Variants in ABCG1 observed in about 807,000 individuals in gnomAD.
The protein encoded by ABCG1 is ATP-binding cassette sub-family G member 1.
In ABCG1, 29 loss-of-function variants were observed where a neutral mutation model predicts 69.2. The ratio of observed to expected loss-of-function variants is 0.42; its 90% CI spans 0.31 to 0.57. The LOEUF is 0.57. ABCG1 is among the 20% of genes least tolerant of loss of function. The probability of loss-of-function intolerance (pLI) is 0.15; values close to 1 mark genes in which losing one functional copy is unlikely to be tolerated. For missense variants in ABCG1, 718 were observed against 898.1 expected (o/e 0.80, Z 2.56); for synonymous variants, 370 against 374.8 (o/e 0.99, Z 0.15).
chr21:42,233,631 C>A (rs2067933027), intron 2 of ABCG1, among the ~76,000 whole-genome samples: 1 of 152,222 alleles, frequency 6.6e-6, no homozygotes, highest in African/African-American at 2.4e-5. Context: ...CAGCCAAGTA[C>A]AGAACAATAA....
intron 2 of ABCG1, among the ~76,000 whole-genome samples, chr21:42,227,814 T>C (rs1331863740): frequency 1.3e-5 from 2 of 152,042 alleles, no homozygotes; most frequent in African/African-American, 4.8e-5. Context: ...GCAAGGCATG[T>C]CTTACATGGT....
At position 42,225,846 on chromosome 21, in the gene ABCG1, C is replaced by T; in HGVS notation, c.218C>T (p.Ala73Val). ...AQRFSSLPRR[A>V]AVNIEFRDLS... ...CGCTTCTCCTCCTTGCCTCGGAGGGCAGCTGTGAACATTGAATTCAGGGAC... is the reference window on the plus strand; with the variant it reads ...CGCTTCTCCTCCTTGCCTCGGAGGGTAGCTGTGAACATTGAATTCAGGGAC... Residue 73 changes from alanine (A) to valine (V), a missense_variant, in exon 2 of 15, where the codon GCA (alanine) becomes GTA (valine). Ala to Val is a moderately conservative substitution (Grantham distance 64). This residue lies in a region of ABCG1 where 514 missense variants were observed against 574.3 expected (regional missense o/e 0.90). Transcript: ENST00000398449. 3 of 1,613,968 alleles carry T rather than the reference C, an allele frequency of 1.9e-6. No individual in the cohort carries two copies. Among genetic ancestry groups the T allele is most frequent in the Non-Finnish European group, 2.5e-6 (3 of 1,179,980 alleles).
chr21:42,216,870 G>A (rs1370202128), upstream of ABCG1, among the ~76,000 whole-genome samples: 2 of 152,210 alleles, frequency 1.3e-5, no homozygotes, highest in African/African-American at 2.4e-5. Context: ...ATGCTTACTC[G>A]GTGCTGGGCA....
Position 42,219,405 on chromosome 21 carries a change from A to G in ABCG1, c.42+101A>G. ...AGCTCGACCTGACACCCCTCCCAGG[A>G]GCGCGTCCTCTGGGCGCTGACCCAG... On this transcript the variant is annotated intron_variant, in intron 1 of 14. Coordinates refer to ENST00000398449, the MANE Select transcript of ABCG1 (RefSeq NM_016818.3). This position sits in a 1 kb window ranked among gnomAD's most constrained non-coding sequence, Gnocchi z 5.3. 1.4e-6 allele frequency: 2 copies of G among 1,479,810 alleles called. No individual in the cohort carries two copies. Among genetic ancestry groups the G allele is most frequent in the Non-Finnish European group, 1.8e-6 (2 of 1,109,180 alleles). 91.7% of individuals were successfully genotyped at this position (1,479,810 alleles called of 1,614,324 possible). A position where few individuals can be genotyped will look rare whatever the true frequency, so the allele number is the denominator to read the frequency against.
upstream of ABCG1, among the ~76,000 whole-genome samples, chr21:42,213,919 A>G (rs1293259479): frequency 6.6e-6 from 1 of 152,150 alleles, no homozygotes; most frequent in Non-Finnish European, 1.5e-5. Flanking sequence ...GAGGACATTT[A>G]CCTTGAGTCC....
intron 2 of ABCG1, among the ~76,000 whole-genome samples, chr21:42,263,703 G>A (rs1601410734): frequency 6.6e-6 from 1 of 152,176 alleles, no homozygotes; most frequent in African/African-American, 2.4e-5. Flanking sequence ...GACAGACGGA[G>A]CCAGCAACCC....
At chr21:42,285,859 T>TA (rs2068930113) in intron 7 of ABCG1, 21 bp from the exon 8 acceptor site, 1 of 1,575,264 alleles carries the variant, frequency 6.3e-7, no homozygotes, top group Admixed American at 1.7e-5. Flanking sequence ...TTGATCCCTT[T>TA]TTCTCCTTCC....
In ABCG1 at chr21:42,291,561, G is replaced by T; in HGVS notation, c.1558G>T (p.Val520Leu). 6.2e-7 allele frequency: 1 copy of T among 1,613,406 alleles called. No individual in the cohort carries two copies. Among genetic ancestry groups the T allele is most frequent in the Middle Eastern group, 1.7e-4 (1 of 6,058 alleles). The change falls in exon 13 of 15, where the codon GTG (valine) becomes TTG (leucine). Residue 520 changes from valine (V) to leucine (L), a missense_variant. Coordinates refer to ENST00000398449, the MANE Select transcript of ABCG1 (RefSeq NM_016818.3). The surrounding 1 kb of genome is among the most constrained non-coding windows in gnomAD (Gnocchi z 6.4). ...YWMTSQPSDAVRFVLFAALGT... is the reference protein window; with the variant it reads ...YWMTSQPSDALRFVLFAALGT... The stretch of plus-strand genomic sequence containing the variant: ...GATGACGTCGCAGCCGTCCGACGCC[G>T]TGCGCTTTGTGCTGTTTGCCGCGCT...
At chr21:42,289,654 C>G (rs193166714) in intron 10 of ABCG1, among the ~76,000 whole-genome samples, 5 of 152,144 alleles carry the variant, frequency 3.3e-5, no homozygotes, top group Admixed American at 6.5e-5. Context: ...AGGGGCTCAC[C>G]GCCGTCCACA....
chr21:42,219,937 C>A lies in ABCG1; in HGVS notation c.42+633C>A, dbSNP rs998571055. 1.5e-5 allele frequency: 23 copies of A among 1,550,942 alleles called. No homozygotes were observed. In the African/African-American group the frequency reaches 2.7e-4, roughly 18 times the overall value. The stretch of plus-strand genomic sequence containing the variant: ...CGGATTCCTGCCGGCCGCCTTTCTG[C>A]GCGCGCCGGAGAGAGAGACGCGGTG... On this transcript the variant is annotated intron_variant, in intron 1 of 14. Coordinates refer to ENST00000398449, the MANE Select transcript of ABCG1 (RefSeq NM_016818.3). The surrounding 1 kb of genome is among the most constrained non-coding windows in gnomAD (Gnocchi z 5.3).
intron 2 of ABCG1, among the ~76,000 whole-genome samples, chr21:42,253,328 G>A (rs2068252864): frequency 6.6e-6 from 1 of 152,206 alleles, no homozygotes; most frequent in African/African-American, 2.4e-5. Flanking sequence ...ACCGCTGTGG[G>A]GGAAGGATCA....
intron 2 of ABCG1, among the ~76,000 whole-genome samples, chr21:42,250,527 C>A (rs541052536): frequency 6.6e-6 from 1 of 152,318 alleles, no homozygotes; most frequent in Admixed American, 6.5e-5. Context: ...TGGAAGAGAG[C>A]CCTGAAAACA....
intron 2 of ABCG1, among the ~76,000 whole-genome samples, chr21:42,205,170 G>C (rs916159871): frequency 1.3e-5 from 2 of 152,188 alleles, no homozygotes; most frequent in African/African-American, 4.8e-5. Flanking sequence ...TGATTGCAGA[G>C]TTGTTTGTAG....
At position 42,219,733 on chromosome 21, in the gene ABCG1, T is replaced by C. The variant is rs558891933; in HGVS notation, c.42+429T>C. The C allele has an allele frequency of 8.1e-7, 1 of 1,238,424 alleles. No homozygotes were observed. Among genetic ancestry groups the C allele is most frequent in the East Asian group, 2.9e-5 (1 of 34,920 alleles). The allele number at this position is 1,238,424 out of a possible 1,614,324, so 76.7% of individuals were successfully genotyped here. On this transcript the variant is annotated intron_variant, in intron 1 of 14. Coordinates refer to ENST00000398449, the MANE Select transcript of ABCG1 (RefSeq NM_016818.3). The surrounding 1 kb of genome is among the most constrained non-coding windows in gnomAD (Gnocchi z 5.3). ...GAGCCCCGCGCGCGCGGCTGTGGGC[T>C]TGGGGACCGGGGACTTCTCGCGCCA...
chr21:42,201,418 C>G (rs562503626), intron 1 of ABCG1, among the ~76,000 whole-genome samples: 2 of 152,176 alleles, frequency 1.3e-5, no homozygotes, highest in African/African-American at 4.8e-5. Flanking sequence ...AAAGCTCCCT[C>G]GCTTGCCGCT....
intron 2 of ABCG1, among the ~76,000 whole-genome samples, chr21:42,243,341 A>G (rs947920079): frequency 1.3e-5 from 2 of 152,176 alleles, no homozygotes; most frequent in Non-Finnish European, 2.9e-5. Flanking sequence ...GGAACAGGGC[A>G]GAAGTGCCTG....
chr21:42,261,724 G>A (rs748483623), intron 2 of ABCG1, among the ~76,000 whole-genome samples: 8 of 152,210 alleles, frequency 5.3e-5, no homozygotes, highest in African/African-American at 9.7e-5. Context: ...CTGCAACCTC[G>A]GCCGCGGAGC....
intron 2 of ABCG1, among the ~76,000 whole-genome samples, chr21:42,236,786 A>G (rs780274312): frequency 1.3e-5 from 2 of 152,258 alleles, no homozygotes; most frequent in South Asian, 4.1e-4. Flanking sequence ...GGAAGGGTAC[A>G]TCTATGATAA....
chr21:42,256,151 G>A, intron 2 of ABCG1: 1 of 1,393,094 alleles, frequency 7.2e-7, no homozygotes. Context: ...GTGAAACCTG[G>A]GCGTGATATA....
Sources: allele counts gnomAD v4.1 joint callset (sites outside exome capture counted in the v4.1 genomes callset), GRCh38; gene constraint gnomAD v4.1.1; regional missense constraint gnomAD v4.1.1; non-coding constraint Gnocchi (gnomAD v3.1); transcripts MANE v1.5; gene names NCBI Gene and HGNC (gene_info 2026-07-23, HGNC 2026-07-21).